DLGAP2: variants seen among roughly 807,000 people sequenced by gnomAD.
DLGAP2 encodes disks large-associated protein 2.
In DLGAP2, 26 loss-of-function variants were observed where a neutral mutation model predicts 100.3. The ratio of observed to expected loss-of-function variants is 0.26; its 90% CI spans 0.19 to 0.36. The LOEUF (loss-of-function observed/expected upper bound fraction) is 0.36. Among genes scored for constraint, DLGAP2 ranks in the 10% least tolerant of loss-of-function variants. DLGAP2 has a pLI of 1.00. For synonymous variants in DLGAP2, 886 were observed against 630.1 expected, an observed-to-expected ratio of 1.41 and a Z score of -6.08; for missense variants, 1,858 against 1,453.2, an observed-to-expected ratio of 1.28 and a Z score of -4.53.
intron 2 of DLGAP2, among the ~76,000 whole-genome samples, chr8:1,143,075 A>T (rs1016428928): frequency 1.3e-5 from 2 of 152,202 alleles, no homozygotes; most frequent in Admixed American, 6.5e-5. Context: ...TGCCGGCCAC[A>T]GCGGGGCCAC....
At chr8:842,373 G>T (rs1320749062) in intron 1 of DLGAP2, among the ~76,000 whole-genome samples, 1 of 152,222 alleles carries the variant, frequency 6.6e-6, no homozygotes, top group African/African-American at 2.4e-5. Flanking sequence ...ATATCTTAAA[G>T]ATGTTATTCT....
chr8:1,144,096 G>C (rs1394704270), intron 2 of DLGAP2, among the ~76,000 whole-genome samples: 2 of 152,222 alleles, frequency 1.3e-5, no homozygotes, highest in African/African-American at 4.8e-5. Context: ...TGCTCAGAAT[G>C]TGAGGAATGA....
intron 2 of DLGAP2, among the ~76,000 whole-genome samples, chr8:923,959 C>G (rs1798764389): frequency 6.6e-6 from 1 of 152,138 alleles, no homozygotes; most frequent in Admixed American, 6.6e-5. Flanking sequence ...AGAGAGGGAT[C>G]CAGCTTAATG....
intron 3 of DLGAP2, among the ~76,000 whole-genome samples, chr8:1,277,314 T>G (rs1278472612): frequency 6.6e-6 from 1 of 152,154 alleles, no homozygotes; most frequent in Non-Finnish European, 1.5e-5. Flanking sequence ...ACTGTATTTT[T>G]TTGTTGTTGC....
intron 2 of DLGAP2, among the ~76,000 whole-genome samples, chr8:1,164,590 G>T (rs1276996164): frequency 6.6e-6 from 1 of 152,074 alleles, no homozygotes; most frequent in African/African-American, 2.4e-5. Context: ...TCTAAGCCCA[G>T]ATGCCACAAA....
chr8:1,477,381 T>C (rs1186754707), intron 3 of DLGAP2, among the ~76,000 whole-genome samples: 1 of 152,206 alleles, frequency 6.6e-6, no homozygotes, highest in African/African-American at 2.4e-5. Flanking sequence ...GGCTCTGTCC[T>C]TTCCTTCTGA....
Position 879,777 on chromosome 8 carries a change from C to T in DLGAP2, c.19-28135C>T, listed in dbSNP as rs540726006. Among the ~76,000 whole-genome samples, 3 of 152,248 alleles carry T rather than the reference C, an allele frequency of 2.0e-5. No individual in the cohort carries two copies. In the South Asian group the frequency reaches 6.2e-4, roughly 32 times the overall value. On this transcript the variant is annotated intron_variant, in intron 1 of 14. Coordinates refer to ENST00000637795, the MANE Select transcript of DLGAP2 (RefSeq NM_001346810.2). ...AGAGTTGATTGCTCCTAGGGAGAAC[C>T]ATGTATCTGGGCAGTGGATGCTGCT... is the stretch of plus-strand genomic sequence containing the variant.
Position 1,701,425 on chromosome 8 carries a change from T to A in DLGAP2, c.*19T>A, listed in dbSNP as rs745812757. On this transcript the variant is annotated 3_prime_UTR_variant, in exon 15 of 15. Transcript: ENST00000637795. ...GCTCTGAGGGCGGAGGCCGGCGCCT[T>A]CCCCTCGTCGCTTCCGCTTTCCCGG... The A allele has an allele frequency of 1.3e-6, 2 of 1,562,272 alleles. No individual in the cohort carries two copies. Among genetic ancestry groups the A allele is most frequent in the Admixed American group, 1.9e-5 (1 of 53,298 alleles).
At chr8:1,663,922 A>G (rs2469684) in intron 8 of DLGAP2, among the ~76,000 whole-genome samples, 1 of 152,208 alleles carries the variant, frequency 6.6e-6, no homozygotes, top group African/African-American at 2.4e-5. Context: ...AGAAGAAGTC[A>G]GGCCGTATCC....
chr8:1,589,638 G>T (rs1796231206), intron 6 of DLGAP2, among the ~76,000 whole-genome samples: 1 of 152,142 alleles, frequency 6.6e-6, no homozygotes, highest in South Asian at 2.1e-4. Flanking sequence ...TGTAGAGATG[G>T]GGTTTCATCA....
At chr8:1,501,770 A>G (rs1799732712) in intron 4 of DLGAP2, among the ~76,000 whole-genome samples, 2 of 152,024 alleles carry the variant, frequency 1.3e-5, no homozygotes, top group Admixed American at 6.5e-5. Context: ...GTGTTCCCGC[A>G]TTTGCATTTT....
intron 13 of DLGAP2, among the ~76,000 whole-genome samples, chr8:1,696,905 C>T (rs1360086025): frequency 6.6e-6 from 1 of 152,252 alleles, no homozygotes; most frequent in African/African-American, 2.4e-5. Flanking sequence ...GCCCCATTCC[C>T]AGCATTTTCA....
At chr8:985,623 A>G (rs1800464258) in intron 2 of DLGAP2, among the ~76,000 whole-genome samples, 2 of 152,264 alleles carry the variant, frequency 1.3e-5, no homozygotes, top group South Asian at 4.1e-4. Context: ...ATGTTTTATA[A>G]CATGAAATTC....
chr8:966,269 G>C (rs1799868746), intron 2 of DLGAP2, among the ~76,000 whole-genome samples: 1 of 152,198 alleles, frequency 6.6e-6, no homozygotes, highest in African/African-American at 2.4e-5. Context: ...GTCCACGTTG[G>C]GGTATGAATG....
At chr8:976,230 G>A (rs1217722105) in intron 2 of DLGAP2, among the ~76,000 whole-genome samples, 3 of 152,102 alleles carry the variant, frequency 2.0e-5, no homozygotes, top group South Asian at 2.1e-4. Context: ...GGATGACTTC[G>A]AGACTTATTA....
At chr8:1,510,703 G>A (rs947167948) in intron 4 of DLGAP2, among the ~76,000 whole-genome samples, 1 of 152,196 alleles carries the variant, frequency 6.6e-6, no homozygotes, top group African/African-American at 2.4e-5. Context: ...GGTCATTAGT[G>A]AATGAGTGGC....
chr8:984,244 G>A lies in DLGAP2; in HGVS notation c.73+76278G>A, dbSNP rs141010053. ...CCTTGGGCACAGCACAGCTTTGTCA[G>A]CCTGTTTTCTTCTATGCGAGGTGAG... On this transcript the variant is annotated intron_variant, in intron 2 of 14. Transcript: ENST00000637795. 1.7e-4 allele frequency among the ~76,000 whole-genome samples: 26 copies of A among 152,330 alleles called. No individual in the cohort carries two copies. The East Asian group carries it at 3.7e-3, about 21-fold the overall frequency.
intron 2 of DLGAP2, among the ~76,000 whole-genome samples, chr8:1,059,234 C>T (rs1802978104): frequency 6.6e-6 from 1 of 152,124 alleles, no homozygotes; most frequent in African/African-American, 2.4e-5. Flanking sequence ...AGCTGGGCCT[C>T]ATCCCCTGCC....
chr8:1,315,485 T>G (rs1360727059), intron 3 of DLGAP2, among the ~76,000 whole-genome samples: 39 of 145,320 alleles, frequency 2.7e-4, no homozygotes, highest in African/African-American at 9.8e-4. Context: ...CTCGGCAGCT[T>G]TTAAAAATAG....
Sources: allele counts gnomAD v4.1 joint callset (sites outside exome capture counted in the v4.1 genomes callset), GRCh38; gene constraint gnomAD v4.1.1; transcripts MANE v1.5; gene names NCBI Gene and HGNC (gene_info 2026-07-23, HGNC 2026-07-21).